PCBP3: variants seen among roughly 807,000 people sequenced by gnomAD.
PCBP3 encodes the protein poly(rC) binding protein 3.
In PCBP3, 25 loss-of-function variants were observed where a neutral mutation model predicts 52.7. That is an observed-to-expected ratio of 0.47 (90% CI 0.35 to 0.66). The LOEUF (loss-of-function observed/expected upper bound fraction) is 0.66, where lower values mean the gene tolerates loss of function less well. Among genes scored for constraint, PCBP3 ranks in the 30% least tolerant of loss-of-function variants. PCBP3 has a pLI of 0.01. For missense variants in PCBP3, 391 were observed against 490.3 expected (o/e 0.80, Z 1.91); for synonymous variants, 162 against 183.0 (o/e 0.89, Z 0.93).
chr21:45,659,557 C>G (rs1335098550), intron 1 of PCBP3, among the ~76,000 whole-genome samples: 3 of 151,968 alleles, frequency 2.0e-5, no homozygotes, highest in African/African-American at 7.3e-5. Flanking sequence ...TGTCATGTTG[C>G]TCAGACTGGT....
At position 45,735,060 on chromosome 21, in the gene PCBP3, T is replaced by G. The variant is rs2838987; in HGVS notation, c.-199-332T>G. On this transcript the variant is annotated intron_variant, in intron 2 of 17. Transcript: ENST00000681687. This position sits in a 1 kb window ranked among gnomAD's most constrained non-coding sequence, Gnocchi z 4.0. ...CTCCCTGTGTTCTTACCTTCCCCTA[T>G]AGATTCAGAGGGATTTGAGAATCAG... Among the ~76,000 whole-genome samples, 10,185 of 152,174 alleles carry G rather than the reference T, an allele frequency of 0.067. 1,078 individuals are homozygous for G. The highest frequency in any genetic ancestry group is 0.23 in the African/African-American group (9,337 of 41,484).
chr21:45,906,075 CAGG>C (rs2096196540), intron 9 of PCBP3, among the ~76,000 whole-genome samples: 1 of 152,168 alleles, frequency 6.6e-6, no homozygotes, highest in Non-Finnish European at 1.5e-5. Flanking sequence ...CTGGAAAAAG[CAGG>C]AGGAGACTTC....
At chr21:45,844,589 C>T (rs1392118887) in intron 4 of PCBP3, among the ~76,000 whole-genome samples, 1 of 152,130 alleles carries the variant, frequency 6.6e-6, no homozygotes, top group East Asian at 1.9e-4. Flanking sequence ...TGTGTTGGTG[C>T]TCCCTGCCAA....
intron 2 of PCBP3, among the ~76,000 whole-genome samples, chr21:45,684,085 G>A (rs1222205144): frequency 3.3e-5 from 5 of 150,454 alleles, no homozygotes; most frequent in South Asian, 4.2e-4. Context: ...AAAAATTGCC[G>A]GGTGTGGTGG....
chr21:45,816,700 T>G (rs2092973863), intron 4 of PCBP3, among the ~76,000 whole-genome samples: 1 of 150,344 alleles, frequency 6.7e-6, no homozygotes, highest in African/African-American at 2.5e-5. Context: ...GCCTGCTTCT[T>G]GACACCTCCT....
At chr21:45,815,918 A>AG (rs2092925244) in intron 4 of PCBP3, among the ~76,000 whole-genome samples, 1 of 88,328 alleles carries the variant, frequency 1.1e-5, no homozygotes, top group Non-Finnish European at 2.2e-5. Flanking sequence ...GTGGTGAGTG[A>AG]TGAGTGAGTG....
intron 4 of PCBP3, among the ~76,000 whole-genome samples, chr21:45,808,825 G>A (rs2092592866): frequency 6.6e-6 from 1 of 152,144 alleles, no homozygotes; most frequent in Non-Finnish European, 1.5e-5. Flanking sequence ...TAAAGAAAAC[G>A]TGGCACATAT....
intron 6 of PCBP3, among the ~76,000 whole-genome samples, chr21:45,899,377 G>A (rs1466393409): frequency 2.6e-5 from 4 of 152,148 alleles, no homozygotes; most frequent in African/African-American, 7.2e-5. Flanking sequence ...TCAGGTGGGC[G>A]CCAAGGAAGA....
intron 4 of PCBP3, among the ~76,000 whole-genome samples, chr21:45,766,186 C>G (rs1360013971): frequency 6.6e-6 from 1 of 152,242 alleles, no homozygotes; most frequent in Non-Finnish European, 1.5e-5. Context: ...GCCCTGCAGA[C>G]TGGCCGCTGG....
chr21:45,784,436 CT>C (rs2090932428), intron 4 of PCBP3, among the ~76,000 whole-genome samples: 1 of 141,212 alleles, frequency 7.1e-6, no homozygotes, highest in African/African-American at 2.6e-5. Context: ...CTCCTACCTC[CT>C]ACCTCCTACC....
At chr21:45,881,015 A>G (rs983415832) in intron 5 of PCBP3, among the ~76,000 whole-genome samples, 3 of 152,190 alleles carry the variant, frequency 2.0e-5, no homozygotes, top group African/African-American at 7.2e-5. Flanking sequence ...CTGAGTGGAC[A>G]TGCCTGGGCC....
In PCBP3 at chr21:45,929,957, C is replaced by A; in HGVS notation, c.758C>A (p.Pro253His). The change falls in exon 14 of 18, where the codon CCC becomes CAC. Residue 253 changes from proline to histidine, a missense_variant. Pro to His is a moderately conservative substitution (Grantham distance 77). Transcript: ENST00000681687. ...KLHQLAMQQTPFPPLGQTNPA... is the reference protein window; with the variant it reads ...KLHQLAMQQTHFPPLGQTNPA... The stretch of plus-strand genomic sequence containing the variant: ...CACCAGTTGGCCATGCAGCAAACCC[C>A]CTTTCCTCCCCTCGGACAGACCAAC... 1 of 1,613,934 alleles carries A rather than the reference C, an allele frequency of 6.2e-7. No individual in the cohort carries two copies. The highest frequency in any genetic ancestry group is 8.5e-7 in the Non-Finnish European group (1 of 1,179,960).
intron 5 of PCBP3, among the ~76,000 whole-genome samples, chr21:45,865,065 T>G (rs2094658777): frequency 6.6e-6 from 1 of 152,260 alleles, no homozygotes; most frequent in Admixed American, 6.5e-5. Context: ...AAGGGAATTT[T>G]TCTCTCATTT....
rs573513004 is a variant in PCBP3 at position 45,889,184 on chromosome 21, C to G, written c.11-7024C>G. On this transcript the variant is annotated intron_variant, in intron 5 of 17. Coordinates refer to ENST00000681687, the MANE Select transcript of PCBP3 (RefSeq NM_001384156.1). The stretch of plus-strand genomic sequence containing the variant: ...ATGTGTGTGGGAGTGGGGGTTCAGG[C>G]AGGAGCGCTCACAGGGGCTTCAGAG... Among the ~76,000 whole-genome samples the G allele has an allele frequency of 5.3e-5, 8 of 152,282 alleles. No homozygotes were observed. In the East Asian group the frequency reaches 1.5e-3, roughly 29 times the overall value.
intron 4 of PCBP3, among the ~76,000 whole-genome samples, chr21:45,787,477 A>G (rs944317714): frequency 6.6e-6 from 1 of 151,784 alleles, no homozygotes; most frequent in Admixed American, 6.6e-5. Flanking sequence ...CAAACTCCAG[A>G]CCAGCCGTAG....
At chr21:45,835,699 T>C (rs182473734) in intron 4 of PCBP3, among the ~76,000 whole-genome samples, 1 of 152,320 alleles carries the variant, frequency 6.6e-6, no homozygotes, top group African/African-American at 2.4e-5. Flanking sequence ...GCCTGGACCC[T>C]GGCTCTGGCA....
chr21:45,662,271 GTTTTT>G (rs59220095), intron 1 of PCBP3, among the ~76,000 whole-genome samples: 1 of 97,276 alleles, frequency 1.0e-5, no homozygotes, highest in Non-Finnish European at 1.9e-5. Context: ...ATATACCTAA[GTTTTT>G]TTTTTTTTTT....
intron 4 of PCBP3, among the ~76,000 whole-genome samples, chr21:45,807,055 A>G (rs892878356): frequency 1.3e-5 from 2 of 152,178 alleles, no homozygotes; most frequent in Non-Finnish European, 2.9e-5. Context: ...GATTTCTGCT[A>G]TTTATGACAA....
intron 5 of PCBP3, among the ~76,000 whole-genome samples, chr21:45,861,990 C>T (rs1477419623): frequency 6.6e-6 from 1 of 152,168 alleles, no homozygotes; most frequent in Non-Finnish European, 1.5e-5. Context: ...GAGACAGCAC[C>T]TTGAACGCTG....
Sources: gnomAD v4.1 joint callset for allele counts (sites outside exome capture counted in the v4.1 genomes callset) on GRCh38, gnomAD v4.1.1 for gene constraint, Gnocchi (gnomAD v3.1) non-coding constraint, MANE v1.5 for transcripts, NCBI Gene and HGNC (gene_info 2026-07-23, HGNC 2026-07-21) for gene names.